The following ATP11A variants were observed in gnomAD, a reference collection of about 807,000 sequenced individuals.
ATP11A encodes phospholipid-transporting ATPase IH.
ATP11A carries 81 observed loss-of-function variants against 154.4 expected under a neutral mutation model. The observed-to-expected ratio is 0.52, with a 90% CI of 0.44 to 0.63. ATP11A has a LOEUF of 0.63. Ranked by LOEUF, ATP11A falls within the 30% of genes least tolerant of loss-of-function variation. ATP11A has a pLI of 0.00. For missense variants in ATP11A, 1,316 were observed against 1,474.3 expected, an observed-to-expected ratio of 0.89 and a Z score of 1.76; for synonymous variants, 623 against 585.9, an observed-to-expected ratio of 1.06 and a Z score of -0.91.
chr13:112,756,863 C>T (rs1056590170), intron 1 of ATP11A, among the ~76,000 whole-genome samples: 20 of 150,306 alleles, frequency 1.3e-4, no homozygotes, highest in Non-Finnish European at 3.0e-4. Context: ...GGTCTGCTCC[C>T]AGCACGTGGT....
At chr13:112,745,118 G>T (rs981559109) in intron 1 of ATP11A, among the ~76,000 whole-genome samples, 1 of 152,222 alleles carries the variant, frequency 6.6e-6, no homozygotes, top group Admixed American at 6.5e-5. Flanking sequence ...AGGCTGGAGT[G>T]CAGTGGTGCC....
chr13:112,855,828 G>GT, intron 19 of ATP11A, 83 bp from the exon 20 acceptor site: 1 of 1,298,730 alleles, frequency 7.7e-7, no homozygotes, highest in Non-Finnish European at 1.1e-6. Context: ...TGTAGCATCT[G>GT]TCGATATCCA....
chr13:112,851,823 G>A (rs938580906), intron 18 of ATP11A: 1 of 152,184 alleles, frequency 6.6e-6, no homozygotes, highest in African/African-American at 2.4e-5. Context: ...ATGCCTGACT[G>A]TAATTACTCT....
At chr13:112,829,991 T>C (rs922665872) in intron 12 of ATP11A, among the ~76,000 whole-genome samples, 17 of 152,246 alleles carry the variant, frequency 1.1e-4, no homozygotes, top group African/African-American at 4.1e-4. Flanking sequence ...CTAACAGAAC[T>C]GACTGGATTT....
At chr13:112,850,111 C>T (rs898683052) in intron 17 of ATP11A, among the ~76,000 whole-genome samples, 1 of 152,168 alleles carries the variant, frequency 6.6e-6, no homozygotes, top group Non-Finnish European at 1.5e-5. Context: ...GTTAAGAGGT[C>T]GGAACTAGTG....
intron 1 of ATP11A, among the ~76,000 whole-genome samples, chr13:112,779,941 C>T (rs1252016698): frequency 2.0e-5 from 3 of 151,864 alleles, no homozygotes; most frequent in African/African-American, 7.3e-5. Flanking sequence ...ACATTTTCCT[C>T]TAAGGTAGTA....
At chr13:112,851,816 C>G (rs928027813) in intron 18 of ATP11A, 4 of 152,238 alleles carry the variant, frequency 2.6e-5, no homozygotes, top group African/African-American at 9.7e-5. Context: ...AGCAGTCATG[C>G]CTGACTGTAA....
rs111441544 is a variant in ATP11A, at chr13:112,754,956, G to A, written c.40-30179G>A. ...GTGCCTGACCTGCTCCGCGGTGGGCGCAGAGCTCCTGCCGAGGGCTGGATG... is the reference window on the plus strand; with the variant it reads ...GTGCCTGACCTGCTCCGCGGTGGGCACAGAGCTCCTGCCGAGGGCTGGATG... On this transcript the variant is annotated intron_variant, in intron 1 of 29. Coordinates refer to ENST00000375645, the MANE Select transcript of ATP11A (RefSeq NM_015205.3). This position sits in a 1 kb window ranked among gnomAD's most constrained non-coding sequence, Gnocchi z 5.3. Among the ~76,000 whole-genome samples the A allele has an allele frequency of 1.1e-3, 161 of 152,354 alleles. 2 individuals carry two copies. Among genetic ancestry groups the A allele is most frequent in the African/African-American group, 3.5e-3 (145 of 41,580 alleles).
intron 17 of ATP11A, among the ~76,000 whole-genome samples, chr13:112,850,297 G>A (rs556644983): frequency 2.0e-5 from 3 of 152,214 alleles, no homozygotes; most frequent in Admixed American, 1.3e-4. Context: ...GAAAACGGAA[G>A]GGGAACACCC....
intron 27 of ATP11A, 53 bp downstream of exon 27, chr13:112,873,729 T>A (rs1462029320): frequency 7.8e-6 from 12 of 1,545,092 alleles, no homozygotes; most frequent in Non-Finnish European, 1.1e-5. Context: ...TGGTTGTTAT[T>A]TTTTTATCAA....
At chr13:112,800,380 T>A (rs893186205) in intron 2 of ATP11A, among the ~76,000 whole-genome samples, 2 of 152,126 alleles carry the variant, frequency 1.3e-5, no homozygotes, top group African/African-American at 4.8e-5. Flanking sequence ...CCTACACCCA[T>A]AAACTTGGTA....
chr13:112,721,619 G>A (rs1376926083), intron 1 of ATP11A, among the ~76,000 whole-genome samples: 1 of 152,170 alleles, frequency 6.6e-6, no homozygotes, highest in African/African-American at 2.4e-5. Flanking sequence ...GGAAGTGGGA[G>A]GGTCCCACAA....
intron 28 of ATP11A, among the ~76,000 whole-genome samples, chr13:112,876,604 C>T (rs2080732563): frequency 6.6e-6 from 1 of 152,238 alleles, no homozygotes; most frequent in Non-Finnish European, 1.5e-5. Flanking sequence ...TCCCTCAGGA[C>T]TCTATTAACA....
intron 16 of ATP11A, among the ~76,000 whole-genome samples, chr13:112,841,862 C>T (rs560363916): frequency 1.5e-4 from 23 of 152,336 alleles, no homozygotes; most frequent in Admixed American, 9.8e-4. Flanking sequence ...AGAGGTGGCC[C>T]GGCTGCCTTG....
chr13:112,714,001 T>C, intron 1 of ATP11A, among the ~76,000 whole-genome samples: 1 of 119,204 alleles, frequency 8.4e-6, no homozygotes. Context: ...CAGTCTCCCT[T>C]CCACTCCCCC....
chr13:112,873,678 T>C lies in ATP11A; in HGVS notation c.3161+2T>C, dbSNP rs768626393. Reference sequence around the variant, plus strand: ...GCTTCTCTGGGGAGGAGTGATCTGGTAAATATCTGATAAGTAGCTGATAAT... The same window carrying C: ...GCTTCTCTGGGGAGGAGTGATCTGGCAAATATCTGATAAGTAGCTGATAAT... On this transcript the variant is annotated splice_donor_variant, in intron 27 of 29. Transcript: ENST00000375645. LOFTEE classifies it high-confidence loss of function. The C allele has an allele frequency of 1.2e-6, 2 of 1,604,886 alleles. No individual in the cohort carries two copies.
At chr13:112,721,841 A>ACC (rs948441982) in intron 1 of ATP11A, among the ~76,000 whole-genome samples, 9 of 152,164 alleles carry the variant, frequency 5.9e-5, no homozygotes, top group Non-Finnish European at 1.0e-4. Context: ...AAAGAAGGAG[A>ACC]CCACATAGGA....
At chr13:112,742,561 G>T (rs900154132) in intron 1 of ATP11A, among the ~76,000 whole-genome samples, 1 of 152,214 alleles carries the variant, frequency 6.6e-6, no homozygotes, top group Non-Finnish European at 1.5e-5. Flanking sequence ...CTGAGAATTT[G>T]CTCAGCTGTG....
At position 112,832,822 on chromosome 13, in the gene ATP11A, A is replaced by G. The variant is rs200615538; in HGVS notation, c.1396-38A>G. 2.4e-5 allele frequency: 38 copies of G among 1,596,328 alleles called. No individual in the cohort carries two copies. The East Asian group carries it at 4.7e-4, about 20-fold the overall frequency. Reference sequence around the variant, plus strand: ...GTTTCCCTCTATCTTCAGTGGACGCACCGTGATTTGGGGGTTCTGGGAACT... The same window carrying G: ...GTTTCCCTCTATCTTCAGTGGACGCGCCGTGATTTGGGGGTTCTGGGAACT... On this transcript the variant is annotated intron_variant, in intron 13 of 29. Transcript: ENST00000375645.
Sources: allele counts gnomAD v4.1 joint callset (sites outside exome capture counted in the v4.1 genomes callset), GRCh38; gene constraint gnomAD v4.1.1; non-coding constraint Gnocchi (gnomAD v3.1); transcripts MANE v1.5; gene names NCBI Gene and HGNC (gene_info 2026-07-23, HGNC 2026-07-21).